Variants in UXS1 observed in about 807,000 individuals in gnomAD.
UXS1 encodes UDP-glucuronate decarboxylase 1.
In UXS1, 33 loss-of-function variants were observed where a neutral mutation model predicts 62.6. The ratio of observed to expected loss-of-function variants is 0.53; its 90% confidence interval spans 0.40 to 0.70. The LOEUF (loss-of-function observed/expected upper bound fraction) is 0.70, where lower values mean the gene tolerates loss of function less well. Ranked by LOEUF, UXS1 falls within the 30% of genes least tolerant of loss-of-function variation. UXS1 has a pLI of 0.00. For missense variants in UXS1, 434 were observed against 556.3 expected, an observed-to-expected ratio of 0.78 and a Z score of 2.21; for synonymous variants, 213 against 206.8, an observed-to-expected ratio of 1.03 and a Z score of -0.26.
chr2:106,096,568 A>T, intron 14 of UXS1, 150 bp downstream of exon 14: 2 of 597,624 alleles, frequency 3.3e-6, no homozygotes, highest in Non-Finnish European at 5.8e-6. Flanking sequence ...GAGGCTGTTT[A>T]CCACTTGGAG....
chr2:106,149,136 C>T (rs1170381582), intron 5 of UXS1, among the ~76,000 whole-genome samples: 3 of 152,178 alleles, frequency 2.0e-5, no homozygotes, highest in Non-Finnish European at 4.4e-5. Flanking sequence ...ATACCAGACT[C>T]ACATGCCAAA....
chr2:106,102,598 T>C (rs1677685570), intron 11 of UXS1: 1 of 152,198 alleles, frequency 6.6e-6, no homozygotes, highest in Non-Finnish European at 1.5e-5. Context: ...ATGAGAATAT[T>C]AAACAGAGTC....
At chr2:106,177,846 G>A (rs1683989068) in intron 1 of UXS1, among the ~76,000 whole-genome samples, 1 of 152,178 alleles carries the variant, frequency 6.6e-6, no homozygotes, top group Admixed American at 6.5e-5. Flanking sequence ...AGCTCCCAAA[G>A]CAGAAACTCT....
chr2:106,107,902 C>T (rs978195809), intron 10 of UXS1, among the ~76,000 whole-genome samples: 3 of 152,198 alleles, frequency 2.0e-5, no homozygotes, highest in Non-Finnish European at 2.9e-5. Flanking sequence ...TCTGAGGTCC[C>T]ACCTGAGGCC....
In UXS1 at chr2:106,152,700, AT is replaced by A. The variant is rs577395458; in HGVS notation, c.291+5357del. Among the ~76,000 whole-genome samples, 127 of 152,248 alleles carry A rather than the reference AT, an allele frequency of 8.3e-4. No homozygotes were observed. In the Middle Eastern group the frequency reaches 0.01, roughly 12 times the overall value. ...CCATCCCCACAGTTTAGAGTGGGGA[AT>A]GTGCTGGGTGTGGCCAAGAAAATGA... On this transcript the variant is annotated intron_variant, in intron 5 of 14. Transcript: ENST00000283148.
intron 9 of UXS1, among the ~76,000 whole-genome samples, chr2:106,119,277 C>T (rs558190203): frequency 6.6e-6 from 1 of 152,304 alleles, no homozygotes; most frequent in East Asian, 1.9e-4. Flanking sequence ...ACTCACGCTT[C>T]TTTACCTGCT....
chr2:106,138,066 G>T, intron 6 of UXS1: 1 of 528,680 alleles, frequency 1.9e-6, no homozygotes, highest in Non-Finnish European at 2.4e-6. Flanking sequence ...GACAAGGTAT[G>T]CAGGGAAAGA....
At chr2:106,152,814 C>A (rs1486990715) in intron 5 of UXS1, among the ~76,000 whole-genome samples, 1 of 151,978 alleles carries the variant, frequency 6.6e-6, no homozygotes, top group Non-Finnish European at 1.5e-5. Flanking sequence ...TAATAGGATT[C>A]CAGTCACGGT....
At chr2:106,120,192 G>A (rs538609227) in intron 9 of UXS1, among the ~76,000 whole-genome samples, 3 of 152,182 alleles carry the variant, frequency 2.0e-5, no homozygotes, top group East Asian at 1.9e-4. Context: ...CATGAATAAC[G>A]GGACGGAAGG....
At chr2:106,168,645 C>T (rs943571329) in intron 1 of UXS1, among the ~76,000 whole-genome samples, 1 of 152,148 alleles carries the variant, frequency 6.6e-6, no homozygotes, top group African/African-American at 2.4e-5. Flanking sequence ...AATCAGTAAA[C>T]ATACAGGAAA....
At chr2:106,099,536 G>C (rs1413851615) in intron 12 of UXS1, among the ~76,000 whole-genome samples, 1 of 152,168 alleles carries the variant, frequency 6.6e-6, no homozygotes, top group Non-Finnish European at 1.5e-5. Flanking sequence ...GACTAGCGAA[G>C]TGGAGTGACG....
At chr2:106,103,384 G>C (rs554117746) in intron 11 of UXS1, among the ~76,000 whole-genome samples, 4 of 152,330 alleles carry the variant, frequency 2.6e-5, no homozygotes, top group South Asian at 4.1e-4. Context: ...GAGGCAGCCC[G>C]AGGCAGGCAC....
At chr2:106,169,972 G>A (rs1282016143) in intron 1 of UXS1, among the ~76,000 whole-genome samples, 4 of 152,132 alleles carry the variant, frequency 2.6e-5, no homozygotes, top group Admixed American at 6.5e-5. Context: ...AAGCAGATAT[G>A]GACCAGATCC....
At chr2:106,145,143 G>T (rs997031605) in intron 6 of UXS1, 47 bp downstream of exon 6, 2 of 1,575,730 alleles carry the variant, frequency 1.3e-6, no homozygotes, top group African/African-American at 2.7e-5. Flanking sequence ...CTCTGGCAAG[G>T]CCACCTGCGG....
intron 1 of UXS1, among the ~76,000 whole-genome samples, chr2:106,174,027 C>T (rs72836627): frequency 0.051 from 6,942 of 135,038 alleles, 200 homozygotes; most frequent in South Asian, 0.078. Flanking sequence ...TGGGGAGTAG[C>T]GTGAAGATGG....
At chr2:106,151,226 T>C (rs1681987399) in intron 5 of UXS1, among the ~76,000 whole-genome samples, 1 of 152,212 alleles carries the variant, frequency 6.6e-6, no homozygotes. Context: ...GTTAAAATGC[T>C]GGGCTATTGG....
intron 3 of UXS1, among the ~76,000 whole-genome samples, chr2:106,164,369 C>CGTGGATGTTCTTTACATTT: frequency 6.6e-6 from 1 of 152,224 alleles, no homozygotes; most frequent in Non-Finnish European, 1.5e-5. Flanking sequence ...CATCTGTGCA[C>CGTGGATGTTCTTTACATTT]GTGGCCTAGC....
chr2:106,158,455 G>A (rs1450913150), intron 4 of UXS1, among the ~76,000 whole-genome samples: 1 of 152,204 alleles, frequency 6.6e-6, no homozygotes, highest in Non-Finnish European at 1.5e-5. Flanking sequence ...GAGGGAGATG[G>A]CCGTGAAACT....
chr2:106,096,895 C>CA (rs1427175722), intron 13 of UXS1, 74 bp from the exon 14 acceptor site: 1 of 1,391,518 alleles, frequency 7.2e-7, no homozygotes, highest in Non-Finnish European at 1.0e-6. Flanking sequence ...CCATCCACAT[C>CA]AAAGGCAAAC....
Sources: gnomAD v4.1 joint callset for allele counts (sites outside exome capture counted in the v4.1 genomes callset) on GRCh38, gnomAD v4.1.1 for gene constraint, MANE v1.5 for transcripts, NCBI Gene and HGNC (gene_info 2026-07-23, HGNC 2026-07-21) for gene names.